TLE2: variants seen among roughly 807,000 people sequenced by gnomAD.
TLE2 encodes TLE family member 2, transcriptional corepressor.
TLE2 carries 74 observed loss-of-function variants against 97.2 expected under a neutral mutation model. That is an observed-to-expected ratio of 0.76 (90% CI 0.63 to 0.92). The LOEUF (loss-of-function observed/expected upper bound fraction) is 0.92, where lower values mean the gene tolerates loss of function less well. TLE2 is among the 40% of genes least tolerant of loss of function. TLE2 has a pLI of 0.00. For missense variants in TLE2, 1,038 were observed against 1,008.7 expected (o/e 1.03, Z -0.39); for synonymous variants, 499 against 432.1 (o/e 1.15, Z -1.92).
chr19:3,043,520 C>A (rs908167673), intron 1 of TLE2, among the ~76,000 whole-genome samples: 2 of 151,838 alleles, frequency 1.3e-5, no homozygotes, highest in African/African-American at 4.8e-5. Context: ...TACCTGGGAC[C>A]TGCATCATGG....
chr19:3,046,750 G>T (rs1210606327), upstream of TLE2, among the ~76,000 whole-genome samples: 1 of 152,068 alleles, frequency 6.6e-6, no homozygotes, highest in Non-Finnish European at 1.5e-5. Context: ...GAATGGTGGG[G>T]TCGGAGAAGG....
upstream of TLE2, among the ~76,000 whole-genome samples, chr19:3,030,158 A>G (rs117841011): frequency 2.5e-4 from 38 of 152,276 alleles, no homozygotes; most frequent in East Asian, 7.1e-3. Flanking sequence ...ACACAGAGCA[A>G]ACTTCCACAG....
chr19:3,038,083 C>G (rs113870140), intron 1 of TLE2, among the ~76,000 whole-genome samples: 1,772 of 152,152 alleles, frequency 0.012, 31 homozygotes, highest in African/African-American at 0.041. Flanking sequence ...GATCACACCA[C>G]TGCACTCCAG....
chr19:3,004,000 C>G (rs746790169), intron 17 of TLE2, among the ~76,000 whole-genome samples: 1 of 152,148 alleles, frequency 6.6e-6, no homozygotes, highest in Non-Finnish European at 1.5e-5. Context: ...AGCCACTGCA[C>G]CCGGCCTCGG....
At position 3,005,493 on chromosome 19, in the gene TLE2, G is replaced by T. The variant is rs1198617944; in HGVS notation, c.1840C>A (p.Arg614Ser). 1 of 1,613,682 alleles carries T rather than the reference G, an allele frequency of 6.2e-7. No individual in the cohort carries two copies. Among genetic ancestry groups the T allele is most frequent in the Non-Finnish European group, 8.5e-7 (1 of 1,179,756 alleles). The change falls in exon 17 of 20, where the codon CGC (arginine) becomes AGC (serine). Residue 614 changes from arginine (R) to serine (S), a missense_variant. Transcript: ENST00000262953. ...CGGCCCTCCCGCAGGTCCCAGCAGC[G>T]CACCGTGTTGTCCAGGCCCCCTGTC... is the stretch of plus-strand genomic sequence containing the variant. ...LWTGGLDNTV[R>S]CWDLREGRQL...
upstream of TLE2, among the ~76,000 whole-genome samples, chr19:3,031,518 C>G (rs1568253015): frequency 1.3e-5 from 2 of 152,088 alleles, no homozygotes; most frequent in Non-Finnish European, 2.9e-5. Flanking sequence ...TTTATAGAGA[C>G]AAGGTCTCAC....
Position 3,011,144 on chromosome 19 carries a change from C to T in TLE2, c.890G>A (p.Ser297Asn), listed in dbSNP as rs1378796455. ...KELILNDLPA[S>N]TPASKSCDSS... ...GTCACAGGATTTGGAGGCAGGAGTG[C>T]TGGCGGGAAGGTCATTCTGCAGAGA... is the stretch of plus-strand genomic sequence containing the variant. The change falls in exon 12 of 20, where the codon AGC becomes AAC. Residue 297 changes from serine to asparagine, a missense_variant. Ser to Asn is a conservative substitution (Grantham distance 46). Transcript: ENST00000262953. 6.2e-7 allele frequency: 1 copy of T among 1,603,384 alleles called. No homozygotes were observed. Among genetic ancestry groups the T allele is most frequent in the South Asian group, 1.1e-5 (1 of 89,646 alleles).
At chr19:3,038,474 G>A (rs1041091727) in intron 1 of TLE2, among the ~76,000 whole-genome samples, 11 of 152,214 alleles carry the variant, frequency 7.2e-5, no homozygotes, top group Non-Finnish European at 1.3e-4. Context: ...CAGCTTCACA[G>A]AGTGCTGGGA....
At chr19:3,009,887 C>CTCTTTT (rs764492373) in intron 12 of TLE2, among the ~76,000 whole-genome samples, 185 bp from the exon 13 acceptor site, 4 of 148,412 alleles carry the variant, frequency 2.7e-5, no homozygotes, top group Admixed American at 6.7e-5. Context: ...TTCTCTCTCT[C>CTCTTTT]TTTTTTTCTT....
At chr19:3,006,386 G>C (rs1489203505) in intron 15 of TLE2, 34 bp downstream of exon 15, 1 of 1,597,736 alleles carries the variant, frequency 6.3e-7, no homozygotes, top group African/African-American at 1.3e-5. Context: ...CCCCTCACCT[G>C]TGAGTCCCGC....
chr19:3,034,067 A>G (rs1252428972), upstream of TLE2, among the ~76,000 whole-genome samples: 2 of 151,858 alleles, frequency 1.3e-5, no homozygotes, highest in Non-Finnish European at 2.9e-5. Flanking sequence ...CCAACTGGGC[A>G]TCTCCCCTAG....
chr19:3,022,181 T>C (rs2089857439), intron 5 of TLE2, among the ~76,000 whole-genome samples: 1 of 152,000 alleles, frequency 6.6e-6, no homozygotes, highest in African/African-American at 2.4e-5. Context: ...CCCGAGTAGC[T>C]GGGATTACAG....
chr19:3,006,528 G>C lies in TLE2; in HGVS notation c.1392C>G (p.Thr464=), dbSNP rs760305822. ...ACACATGCTGTGTGGAGCCGCTGAT[G>C]GTGACCGCGCAGACCACCTCGCCAT... is the stretch of plus-strand genomic sequence containing the variant. ...LAHGEVVCAV[T]ISGSTQHVYT... is the part of the protein sequence containing the mutation. The change falls in exon 15 of 20, where the codon ACC becomes ACG. Residue 464 remains threonine, a synonymous_variant. Transcript: ENST00000262953. 3.4e-5 allele frequency: 54 copies of C among 1,607,434 alleles called. 1 individual carries two copies. Among genetic ancestry groups the C allele is most frequent in the South Asian group, 3.1e-4 (28 of 90,068 alleles).
intron 1 of TLE2, among the ~76,000 whole-genome samples, chr19:3,042,034 G>A (rs1383197946): frequency 6.6e-6 from 1 of 151,780 alleles, no homozygotes; most frequent in Non-Finnish European, 1.5e-5. Context: ...GGCCCAGCGT[G>A]TTCCCCGACA....
At chr19:3,021,858 C>G (rs555977914) in intron 5 of TLE2, among the ~76,000 whole-genome samples, 1 of 152,162 alleles carries the variant, frequency 6.6e-6, no homozygotes, top group African/African-American at 2.4e-5. Context: ...GCTGGTATTA[C>G]AGGTGTGAGC....
intron 19 of TLE2, among the ~76,000 whole-genome samples, chr19:2,998,964 C>A (rs1269937017): frequency 6.6e-6 from 1 of 152,164 alleles, no homozygotes; most frequent in African/African-American, 2.4e-5. Context: ...TAAATAAGTC[C>A]ATGTCACATA....
upstream of TLE2, chr19:3,029,556 A>C: frequency 5.4e-5 from 14 of 261,592 alleles, no homozygotes; most frequent in East Asian, 2.9e-4. Flanking sequence ...CCACCGTGGG[A>C]GCGGGGGGGG....
At chr19:3,025,967 C>T (rs1355558167) in intron 4 of TLE2, among the ~76,000 whole-genome samples, 1 of 152,112 alleles carries the variant, frequency 6.6e-6, no homozygotes, top group Non-Finnish European at 1.5e-5. Context: ...CCAGCCCACC[C>T]CCTTCTCCTT....
chr19:3,011,057 A>AGCTGGCAGAGGTG lies in TLE2; in HGVS notation c.964_976dup (p.Leu326ProfsTer74). 1 of 1,607,210 alleles carries AGCTGGCAGAGGTG rather than the reference A, an allele frequency of 6.2e-7. No homozygotes were observed. ...CGTGGAAGGTGCTGGCTTGGCAGCA[A>AGCTGGCAGAGGTG]GCTGGCAGAGGTGACTGGCCGAGCT... On this transcript the variant is annotated frameshift_variant, in exon 12 of 20. Coordinates refer to ENST00000262953, the MANE Select transcript of TLE2 (RefSeq NM_003260.5). LOFTEE classifies it high-confidence loss of function.
Sources: gnomAD v4.1 joint callset for allele counts (sites outside exome capture counted in the v4.1 genomes callset) on GRCh38, gnomAD v4.1.1 for gene constraint, MANE v1.5 for transcripts, NCBI Gene and HGNC (gene_info 2026-07-23, HGNC 2026-07-21) for gene names.